Variants in PRKN observed in about 807,000 individuals in gnomAD.
The protein encoded by PRKN is E3 ubiquitin-protein ligase parkin.
Under a neutral mutation model 59.5 loss-of-function variants are expected in PRKN, and 56 were observed. The ratio of observed to expected loss-of-function variants is 0.94; its 90% CI spans 0.76 to 1.18. PRKN has a LOEUF of 1.18. Among genes scored for constraint, PRKN ranks in the 50% most tolerant of loss-of-function variants. The probability of loss-of-function intolerance (pLI) is 0.00; values close to 1 mark genes in which losing one functional copy is unlikely to be tolerated. For synonymous variants in PRKN, 250 were observed against 222.1 expected, an observed-to-expected ratio of 1.13 and a Z score of -1.12; for missense variants, 657 against 596.4, an observed-to-expected ratio of 1.10 and a Z score of -1.06.
chr6:161,776,900 T>C (rs1052149573), intron 7 of PRKN, among the ~76,000 whole-genome samples: 3 of 152,210 alleles, frequency 2.0e-5, no homozygotes, highest in South Asian at 4.1e-4. Flanking sequence ...ATTTCTACCT[T>C]ATAGTTGTTT....
intron 4 of PRKN, among the ~76,000 whole-genome samples, chr6:162,164,605 G>T (rs773977710): frequency 6.7e-6 from 1 of 148,944 alleles, no homozygotes. Context: ...TATAACAAAA[G>T]AAACTTCTAA....
intron 1 of PRKN, among the ~76,000 whole-genome samples, chr6:162,529,574 C>T (rs1778425274): frequency 6.6e-6 from 1 of 152,134 alleles, no homozygotes; most frequent in African/African-American, 2.4e-5. Flanking sequence ...TGAGCTGACC[C>T]ATCCAGTCTC....
intron 1 of PRKN, among the ~76,000 whole-genome samples, chr6:162,692,369 T>C (rs757489077): frequency 6.6e-6 from 1 of 152,176 alleles, no homozygotes; most frequent in Non-Finnish European, 1.5e-5. Context: ...TGGAGTATCC[T>C]GCCTAGTAAG....
intron 6 of PRKN, among the ~76,000 whole-genome samples, chr6:161,869,158 C>T (rs1195241221): frequency 3.9e-5 from 6 of 152,146 alleles, no homozygotes; most frequent in Non-Finnish European, 7.3e-5. Context: ...GCGGGTGGAT[C>T]ACCTGAGGTC....
At chr6:162,235,642 C>T (rs9355992) in intron 3 of PRKN, among the ~76,000 whole-genome samples, 2,953 of 151,972 alleles carry the variant, frequency 0.019, 44 homozygotes, top group East Asian at 0.061. Flanking sequence ...CCTGTCTCTA[C>T]TAAAAAAATA....
At chr6:161,735,378 C>T (rs910448847) in intron 7 of PRKN, among the ~76,000 whole-genome samples, 2 of 152,178 alleles carry the variant, frequency 1.3e-5, no homozygotes, top group Non-Finnish European at 2.9e-5. Context: ...TATATTTTCT[C>T]TTCCCTATGA....
chr6:161,807,093 T>G (rs189341685), intron 6 of PRKN, among the ~76,000 whole-genome samples: 1 of 152,324 alleles, frequency 6.6e-6, no homozygotes, highest in Admixed American at 6.5e-5. Context: ...CATGTTTTTC[T>G]CAGTACAATT....
chr6:161,828,339 T>C (rs972498720), intron 6 of PRKN, among the ~76,000 whole-genome samples: 1 of 152,218 alleles, frequency 6.6e-6, no homozygotes, highest in Non-Finnish European at 1.5e-5. Context: ...ATATTTTTAA[T>C]CTTATTTGAG....
intron 3 of PRKN, among the ~76,000 whole-genome samples, chr6:162,251,929 G>A (rs1779451999): frequency 6.6e-6 from 1 of 152,094 alleles, no homozygotes; most frequent in Admixed American, 6.5e-5. Flanking sequence ...AAACAGTGTT[G>A]AACATCCTTC....
intron 1 of PRKN, among the ~76,000 whole-genome samples, chr6:162,498,841 C>T (rs1034079985): frequency 4.3e-5 from 4 of 93,022 alleles, no homozygotes; most frequent in African/African-American, 1.2e-4. Context: ...GGACAGTAGC[C>T]GTTAACTGCT....
At chr6:162,069,603 G>A (rs112865358) in intron 4 of PRKN, among the ~76,000 whole-genome samples, 29 of 152,130 alleles carry the variant, frequency 1.9e-4, no homozygotes, top group African/African-American at 5.8e-4. Flanking sequence ...ATTTCTTAGA[G>A]CAAGAACGTA....
intron 7 of PRKN, among the ~76,000 whole-genome samples, chr6:161,777,382 T>C (rs956591622): frequency 2.0e-5 from 3 of 152,012 alleles, no homozygotes; most frequent in Non-Finnish European, 4.4e-5. Flanking sequence ...TTATTCACCA[T>C]CATAATTTTG....
chr6:162,396,036 T>C (rs1458634805), intron 2 of PRKN, among the ~76,000 whole-genome samples: 5 of 152,186 alleles, frequency 3.3e-5, no homozygotes, highest in East Asian at 1.9e-4. Context: ...ATGTGAATAA[T>C]TAAATGTAGA....
chr6:161,848,706 A>G (rs1363131301), intron 6 of PRKN, among the ~76,000 whole-genome samples: 2 of 152,236 alleles, frequency 1.3e-5, no homozygotes, highest in Non-Finnish European at 2.9e-5. Flanking sequence ...AAGAACTATA[A>G]TAAATTATTC....
At chr6:162,090,925 A>G (rs997635183) in intron 4 of PRKN, among the ~76,000 whole-genome samples, 12 of 152,290 alleles carry the variant, frequency 7.9e-5, no homozygotes, top group East Asian at 3.9e-4. Context: ...CGTGGCCACA[A>G]AAGTGCACCC....
In PRKN at chr6:162,640,156, T is replaced by C. The variant is rs527394687; in HGVS notation, c.7+87506A>G. Among the ~76,000 whole-genome samples the C allele has an allele frequency of 2.0e-5, 3 of 152,198 alleles. No homozygotes were observed. In the East Asian group the frequency reaches 5.8e-4, roughly 29 times the overall value. ...CAAGTACCAAGTGCCAAGCCAGGGTTCTTGGGAGACTCTGTAGGCACTGAA... is the reference window on the plus strand; with the variant it reads ...CAAGTACCAAGTGCCAAGCCAGGGTCCTTGGGAGACTCTGTAGGCACTGAA... On this transcript the variant is annotated intron_variant, in intron 1 of 11. Coordinates refer to ENST00000366898, the MANE Select transcript of PRKN (RefSeq NM_004562.3).
chr6:162,669,533 A>G (rs1779240786), intron 1 of PRKN, among the ~76,000 whole-genome samples: 1 of 152,078 alleles, frequency 6.6e-6, no homozygotes, highest in Admixed American at 6.5e-5. Flanking sequence ...CCCATTTGCA[A>G]TCTCTTTGCC....
intron 6 of PRKN, among the ~76,000 whole-genome samples, chr6:161,955,370 T>C (rs1780133216): frequency 6.6e-6 from 1 of 152,206 alleles, no homozygotes; most frequent in Admixed American, 6.5e-5. Flanking sequence ...TTAAGGGTAT[T>C]ATTATATCTA....
intron 5 of PRKN, among the ~76,000 whole-genome samples, chr6:161,985,276 G>A (rs1314742547): frequency 6.6e-6 from 1 of 152,138 alleles, no homozygotes; most frequent in Non-Finnish European, 1.5e-5. Flanking sequence ...TAATATGTCA[G>A]CTTCAAGAAC....
Sources: allele counts gnomAD v4.1 joint callset (sites outside exome capture counted in the v4.1 genomes callset), GRCh38; gene constraint gnomAD v4.1.1; transcripts MANE v1.5; gene names NCBI Gene and HGNC (gene_info 2026-07-23, HGNC 2026-07-21).